Variants in LARS1 observed in about 807,000 individuals in gnomAD.
LARS1 encodes the protein leucine--tRNA ligase, cytoplasmic.
LARS1 carries 100 observed loss-of-function variants against 162.8 expected under a neutral mutation model. That is an observed-to-expected ratio of 0.61 (90% CI 0.52 to 0.73). The LOEUF is 0.73. Ranked by LOEUF, LARS1 falls within the 30% of genes least tolerant of loss-of-function variation. The pLI, the probability that LARS1 is intolerant of heterozygous loss-of-function variation, is 0.00. For missense variants in LARS1, 1,258 were observed against 1,408.9 expected, an observed-to-expected ratio of 0.89 and a Z score of 1.71; for synonymous variants, 457 against 462.8, an observed-to-expected ratio of 0.99 and a Z score of 0.16.
intron 31 of LARS1, among the ~76,000 whole-genome samples, chr5:146,119,941 T>C (rs1479357345): frequency 6.6e-6 from 1 of 152,140 alleles, no homozygotes; most frequent in Admixed American, 6.6e-5. Flanking sequence ...GATTAAATGG[T>C]TAATACATGG....
chr5:146,172,750 GA>G lies in LARS1; in HGVS notation c.149del (p.Phe50SerfsTer6). ...QTSKGKYFVTFPYPYMNGRLH... is the reference protein window; with the variant it reads ...QTSKGKYFVTXPYPYMNGRLH... Reference sequence around the variant, plus strand: ...GGCGTCCATTCATATATGGATATGGGAAGGTTACAAAATACTTGCCCTTGCT... The same window carrying G: ...GGCGTCCATTCATATATGGATATGGGAGGTTACAAAATACTTGCCCTTGCT... On this transcript the variant is annotated frameshift_variant, in exon 3 of 32. Transcript: ENST00000394434. LOFTEE classifies it high-confidence loss of function. 1 of 1,569,304 alleles carries G rather than the reference GA, an allele frequency of 6.4e-7. No homozygotes were observed. Among genetic ancestry groups the G allele is most frequent in the Non-Finnish European group, 8.6e-7 (1 of 1,158,412 alleles).
At chr5:146,153,137 G>C (rs2126519588) in intron 13 of LARS1, 37 bp downstream of exon 13, 8 of 1,469,720 alleles carry the variant, frequency 5.4e-6, no homozygotes, top group African/African-American at 1.4e-5. Context: ...CTGATAAAGA[G>C]ATGGATGTGA....
At chr5:146,146,532 CAAAAAAAAA>C (rs573828595) in intron 15 of LARS1, among the ~76,000 whole-genome samples, 2 of 26,502 alleles carry the variant, frequency 7.5e-5, no homozygotes, top group Non-Finnish European at 1.2e-4. Flanking sequence ...ATGCCAGAAC[CAAAAAAAAA>C]AAAAAAAAAA....
intron 29 of LARS1, among the ~76,000 whole-genome samples, chr5:146,123,754 T>C (rs1264241667): frequency 6.6e-6 from 1 of 151,900 alleles, no homozygotes; most frequent in Non-Finnish European, 1.5e-5. Context: ...GTATAATTGA[T>C]TATATGTAAA....
At chr5:146,139,251 G>A (rs896474295) in intron 21 of LARS1, among the ~76,000 whole-genome samples, 1 of 151,050 alleles carries the variant, frequency 6.6e-6, no homozygotes, top group Non-Finnish European at 1.5e-5. Context: ...GCTGAGGCAA[G>A]AGAATCGCTT....
chr5:146,114,433 G>C (rs905140418), intron 31 of LARS1, 122 bp from the exon 32 acceptor site: 3 of 805,026 alleles, frequency 3.7e-6, no homozygotes, highest in Non-Finnish European at 3.9e-6. Flanking sequence ...ATTTTCTTCA[G>C]ATTATTAAAT....
chr5:146,137,898 G>A (rs1391508039), intron 21 of LARS1: 1 of 182,434 alleles, frequency 5.5e-6, no homozygotes, highest in Admixed American at 6.3e-5. Context: ...GGCTGAGGTG[G>A]GCGGATCATG....
Position 146,128,713 on chromosome 5 carries a change from A to G in LARS1, c.2839T>C (p.Trp947Arg). The change falls in exon 27 of 32, where the codon TGG (tryptophan) becomes CGG (arginine). Residue 947 changes from tryptophan (W) to arginine (R), a missense_variant. Physicochemically the swap from Trp to Arg is moderately radical, Grantham distance 101 (BLOSUM62 -3). Coordinates refer to ENST00000394434, the MANE Select transcript of LARS1 (RefSeq NM_020117.11). ...AGAACAGACAGGGTGGTATGTTGCCAAGGTGGATAGTTCTTTGCCACATAG... is the reference window on the plus strand; with the variant it reads ...AGAACAGACAGGGTGGTATGTTGCCGAGGTGGATAGTTCTTTGCCACATAG... The part of the protein sequence containing the change: ...TIYVAKNYPP[W>R]QHTTLSVLRK... 1 of 1,596,338 alleles carries G rather than the reference A, an allele frequency of 6.3e-7. No individual in the cohort carries two copies. The highest frequency in any genetic ancestry group is 1.1e-5 in the South Asian group (1 of 87,634).
At chr5:146,145,889 TAACTGAATTTTGAA>T (rs2126492042) in intron 15 of LARS1, among the ~76,000 whole-genome samples, 1 of 152,266 alleles carries the variant, frequency 6.6e-6, no homozygotes, top group Non-Finnish European at 1.5e-5. Flanking sequence ...GAAAAAATAT[TAACTGAATTTTGAA>T]AACAAAAAAG....
chr5:146,150,984 A>ACACAC, intron 14 of LARS1, among the ~76,000 whole-genome samples: 1 of 60,940 alleles, frequency 1.6e-5, no homozygotes, highest in Non-Finnish European at 3.6e-5. Context: ...CACACACACA[A>ACACAC]ATGTAAATCC....
chr5:146,121,148 T>C (rs1249920126), intron 30 of LARS1, among the ~76,000 whole-genome samples: 2 of 152,174 alleles, frequency 1.3e-5, no homozygotes, highest in Non-Finnish European at 2.9e-5. Context: ...ACTGAACTAT[T>C]AAAAGCTACC....
At chr5:146,175,263 T>C (rs1202247915) in intron 2 of LARS1, among the ~76,000 whole-genome samples, 2 of 146,868 alleles carry the variant, frequency 1.4e-5, no homozygotes, top group African/African-American at 5.0e-5. Flanking sequence ...AAAAAGATAA[T>C]GGGCGGGCAC....
chr5:146,171,968 A>T lies in LARS1; in HGVS notation c.236T>A (p.Leu79Ter). ...GGGAAACAGACAACATTTTCCTTTC[A>T]ATCGCTGGTACCCTACAGCAAACTA... is the stretch of plus-strand genomic sequence containing the variant. ...KCEFAVGYQRLKGKCCLFPFG... is the reference protein window; with the variant it reads ...KCEFAVGYQR Residue 79 changes from leucine to a stop codon, truncating the protein, a stop_gained, in exon 4 of 32, where the codon TTG (leucine) becomes TAG (stop). Transcript: ENST00000394434. LOFTEE classifies it high-confidence loss of function. 6.2e-7 allele frequency: 1 copy of T among 1,613,842 alleles called. No homozygotes were observed. The highest frequency in any genetic ancestry group is 8.5e-7 in the Non-Finnish European group (1 of 1,179,768).
At chr5:146,160,289 G>C (rs1010175929) in intron 7 of LARS1, 85 bp downstream of exon 7, 10 of 684,888 alleles carry the variant, frequency 1.5e-5, no homozygotes, top group Non-Finnish European at 2.3e-5. Context: ...CCTCACCTCA[G>C]TTTCCCAAAG....
intron 14 of LARS1, among the ~76,000 whole-genome samples, chr5:146,151,640 A>T (rs951119084): frequency 2.0e-5 from 3 of 152,222 alleles, no homozygotes; most frequent in African/African-American, 7.2e-5. Flanking sequence ...CTCCATAGAG[A>T]TTCCTAGAGG....
chr5:146,159,838 A>G (rs1753698588), intron 7 of LARS1, among the ~76,000 whole-genome samples: 1 of 152,104 alleles, frequency 6.6e-6, no homozygotes. Flanking sequence ...TGATTAATCT[A>G]CATAATCAAG....
At chr5:146,144,891 C>G (rs1752946018) in intron 15 of LARS1, among the ~76,000 whole-genome samples, 182 bp from the exon 16 acceptor site, 1 of 152,202 alleles carries the variant, frequency 6.6e-6, no homozygotes, top group South Asian at 2.1e-4. Context: ...GTAACACCTG[C>G]TTTTAAAAAG....
At chr5:146,128,584 T>A (rs749875006) in intron 27 of LARS1, 88 bp downstream of exon 27, 11 of 759,018 alleles carry the variant, frequency 1.4e-5, no homozygotes, top group Non-Finnish European at 2.3e-5. Context: ...ATCTTTCTTC[T>A]CCCAGACATT....
At position 146,113,868 on chromosome 5, in the gene LARS1, T is replaced by G. The variant is rs908033767; in HGVS notation, c.*238A>C. On this transcript the variant is annotated 3_prime_UTR_variant, in exon 32 of 32. Transcript: ENST00000394434. The stretch of plus-strand genomic sequence containing the variant: ...CTAGGAAATAGCAACAATTTGTTTT[T>G]TAAAAAGAGTTTGGCAAAAACCATT... 8.3e-6 allele frequency: 4 copies of G among 479,642 alleles called. No homozygotes were observed. Among genetic ancestry groups the G allele is most frequent in the Non-Finnish European group, 1.5e-5 (4 of 269,658 alleles). The allele number at this position is 479,642 out of a possible 1,614,324, so 29.7% of individuals were successfully genotyped here. A position where few individuals can be genotyped will look rare whatever the true frequency, so the allele number is the denominator to read the frequency against.
Sources: gnomAD v4.1 joint callset for allele counts (sites outside exome capture counted in the v4.1 genomes callset) on GRCh38, gnomAD v4.1.1 for gene constraint, MANE v1.5 for transcripts, NCBI Gene and HGNC (gene_info 2026-07-23, HGNC 2026-07-21) for gene names.